The following SORBS2 variants were observed in gnomAD, a reference collection of about 807,000 sequenced individuals.
The protein encoded by SORBS2 is sorbin and SH3 domain containing 2.
In SORBS2, 46 loss-of-function variants were observed where a neutral mutation model predicts 97.7. The observed-to-expected ratio is 0.47, with a 90% CI of 0.37 to 0.60. SORBS2 has a LOEUF of 0.60. SORBS2 is among the 20% of genes least tolerant of loss of function. The pLI, the probability that SORBS2 is intolerant of heterozygous loss-of-function variation, is 0.00. For missense variants in SORBS2, 1,316 were observed against 1,282.3 expected (o/e 1.03, Z -0.40); for synonymous variants, 476 against 473.4 (o/e 1.01, Z -0.07).
chr4:185,770,665 C>T (rs1306147444), intron 2 of SORBS2, among the ~76,000 whole-genome samples: 2 of 151,816 alleles, frequency 1.3e-5, no homozygotes, highest in South Asian at 4.2e-4. Context: ...TGTTTTGTGT[C>T]ATCATGTCCT....
intron 1 of SORBS2, among the ~76,000 whole-genome samples, chr4:185,950,509 G>A (rs1182240491): frequency 6.6e-6 from 1 of 152,146 alleles, no homozygotes; most frequent in Non-Finnish European, 1.5e-5. Flanking sequence ...GGGTTTGGAG[G>A]CAATTTCCAG....
intron 1 of SORBS2, among the ~76,000 whole-genome samples, chr4:185,793,073 T>C (rs1245139129): frequency 6.6e-6 from 1 of 152,252 alleles, no homozygotes; most frequent in African/African-American, 2.4e-5. Context: ...GCCATTATTA[T>C]TATTTATAAG....
chr4:185,953,071 G>T (rs1430784048), intron 1 of SORBS2, among the ~76,000 whole-genome samples: 2 of 152,160 alleles, frequency 1.3e-5, no homozygotes, highest in Non-Finnish European at 2.9e-5. Flanking sequence ...TCCCAGCACT[G>T]CAGGAGGCTG....
At chr4:185,946,119 C>A (rs1478215509) in intron 1 of SORBS2, among the ~76,000 whole-genome samples, 2 of 127,854 alleles carry the variant, frequency 1.6e-5, no homozygotes, top group Admixed American at 2.1e-4. Flanking sequence ...GATTGGGTTT[C>A]TATGCATGTG....
chr4:185,759,285 C>A (rs1225640537), intron 2 of SORBS2, among the ~76,000 whole-genome samples: 1 of 152,170 alleles, frequency 6.6e-6, no homozygotes. Flanking sequence ...GGAGGATTTT[C>A]CAATTACCAA....
At chr4:185,796,502 C>G (rs976027297) in intron 1 of SORBS2, among the ~76,000 whole-genome samples, 52 of 145,112 alleles carry the variant, frequency 3.6e-4, no homozygotes, top group Non-Finnish European at 2.9e-4. Context: ...GCTGGGCATG[C>G]CTGGGCGCTG....
At chr4:185,593,833 C>T in intron 13 of SORBS2, 53 bp downstream of exon 25, 2 of 1,173,364 alleles carry the variant, frequency 1.7e-6, no homozygotes, top group Non-Finnish European at 2.6e-6. Flanking sequence ...TACAGTTGTC[C>T]ATTTTGTGGG....
At chr4:185,818,160 C>T (rs1055521177) in intron 1 of SORBS2, among the ~76,000 whole-genome samples, 1 of 152,128 alleles carries the variant, frequency 6.6e-6, no homozygotes, top group African/African-American at 2.4e-5. Flanking sequence ...ACTAAGCCTA[C>T]CCAGGTCAGA....
intron 1 of SORBS2, among the ~76,000 whole-genome samples, chr4:185,845,579 TCA>T (rs2099214117): frequency 6.6e-6 from 1 of 152,138 alleles, no homozygotes; most frequent in South Asian, 2.1e-4. Context: ...CTGGACTTGA[TCA>T]CAGTTAAAAT....
At chr4:185,751,846 G>A (rs2098802300) in intron 2 of SORBS2, among the ~76,000 whole-genome samples, 3 of 152,142 alleles carry the variant, frequency 2.0e-5, no homozygotes, top group African/African-American at 4.8e-5. Flanking sequence ...AACAAGCAGA[G>A]TACCTTTGCA....
intron 1 of SORBS2, among the ~76,000 whole-genome samples, chr4:185,921,513 G>A (rs905298697): frequency 6.6e-6 from 1 of 151,984 alleles, no homozygotes; most frequent in Non-Finnish European, 1.5e-5. Flanking sequence ...ACAAAATATG[G>A]AGAGAGAGGA....
Position 185,684,237 on chromosome 4 carries a change from G to A in SORBS2, c.-197-5415C>T, listed in dbSNP as rs1018395858. 2.6e-5 allele frequency among the ~76,000 whole-genome samples: 4 copies of A among 152,122 alleles called. No homozygotes were observed. Among genetic ancestry groups the A allele is most frequent in the African/African-American group, 9.7e-5 (4 of 41,402 alleles). ...CCACCTGAGTGGATGCTGAAATCTC[G>A]CACCCCCAGTGACTTCCTATCTGTG... On this transcript the variant is annotated intron_variant, in intron 2 of 20. Coordinates refer to the SORBS2 transcript ENST00000284776. This position sits in a 1 kb window ranked among gnomAD's most constrained non-coding sequence, Gnocchi z 4.2.
rs1272245222 is a variant in SORBS2, at chr4:185,662,053, T to C, written c.94+51A>G. ...GCCGCATATCTTTCTCCTGTGGTTG[T>C]ACTTGCCGCATTGAGGTTGCCATGG... On this transcript the variant is annotated intron_variant, in intron 5 of 20. Coordinates refer to the SORBS2 transcript ENST00000284776. The C allele has an allele frequency of 3.7e-6, 6 of 1,603,670 alleles. No homozygotes were observed. The South Asian group carries it at 6.7e-5, about 18-fold the overall frequency.
rs543504424 is a variant in SORBS2, at chr4:185,814,896, G to T, written c.-337-39530C>A. Among the ~76,000 whole-genome samples the T allele has an allele frequency of 1.3e-4, 20 of 152,360 alleles. No individual in the cohort carries two copies. In the South Asian group the frequency reaches 1.4e-3, roughly 11 times the overall value. On this transcript the variant is annotated intron_variant, in intron 1 of 20. Transcript: ENST00000284776. ...TGGTGCACTGAGGCCCATTGGCATT[G>T]CTCTGACCTCAGGCCCTGCCCTAGC...
chr4:185,695,860 C>G (rs2098168223), intron 2 of SORBS2, among the ~76,000 whole-genome samples: 2 of 152,176 alleles, frequency 1.3e-5, no homozygotes, highest in Non-Finnish European at 2.9e-5. Flanking sequence ...AGTTTAGAAA[C>G]TCTCTTCTGA....
At chr4:185,748,268 C>T (rs1441733778) in intron 2 of SORBS2, among the ~76,000 whole-genome samples, 3 of 152,116 alleles carry the variant, frequency 2.0e-5, no homozygotes, top group African/African-American at 7.2e-5. Context: ...AGGGCCTCGG[C>T]GTGCGAGGAG....
At chr4:185,787,544 A>T (rs1345930955) in intron 1 of SORBS2, among the ~76,000 whole-genome samples, 1 of 152,224 alleles carries the variant, frequency 6.6e-6, no homozygotes, top group African/African-American at 2.4e-5. Flanking sequence ...TTGTAGAAAG[A>T]TTGAATGACT....
At chr4:185,726,652 C>T (rs905207183) in intron 2 of SORBS2, among the ~76,000 whole-genome samples, 2 of 151,180 alleles carry the variant, frequency 1.3e-5, no homozygotes, top group African/African-American at 2.4e-5. Context: ...TATTTTGTTA[C>T]ACCACTAGAC....
Position 185,947,976 on chromosome 4 carries a change from G to A in SORBS2, c.-338+8220C>T, listed in dbSNP as rs181058687. 3.2e-3 allele frequency among the ~76,000 whole-genome samples: 492 copies of A among 152,282 alleles called. 1 individual carries two copies. The highest frequency in any genetic ancestry group is 5.1e-3 in the Non-Finnish European group (348 of 68,026). On this transcript the variant is annotated intron_variant, in intron 1 of 20. Coordinates refer to the SORBS2 transcript ENST00000284776. The stretch of plus-strand genomic sequence containing the variant: ...ATGTAATGTGCTTAGCATGGAACCC[G>A]GCACTAAGGAAGTGCTAATCAAATA...
Sources: allele counts gnomAD v4.1 joint callset (sites outside exome capture counted in the v4.1 genomes callset), GRCh38; gene constraint gnomAD v4.1.1; non-coding constraint Gnocchi (gnomAD v3.1); transcripts MANE v1.5; gene names NCBI Gene and HGNC (gene_info 2026-07-23, HGNC 2026-07-21).